PLXDC2: variants seen among roughly 807,000 people sequenced by gnomAD.
PLXDC2 encodes the protein plexin domain containing 2, also known as plexin domain-containing protein 2.
Under a neutral mutation model 68.9 loss-of-function variants are expected in PLXDC2, and 40 were observed. The ratio of observed to expected loss-of-function variants is 0.58; its 90% CI spans 0.45 to 0.76. The LOEUF (loss-of-function observed/expected upper bound fraction) is 0.76, where lower values mean the gene tolerates loss of function less well. Ranked by LOEUF, PLXDC2 falls within the 30% of genes least tolerant of loss-of-function variation. The pLI, the probability that PLXDC2 is intolerant of heterozygous loss-of-function variation, is 0.00. For synonymous variants in PLXDC2, 243 were observed against 234.2 expected (o/e 1.04, Z -0.34); for missense variants, 644 against 661.9 (o/e 0.97, Z 0.30).
At chr10:20,092,907 A>C (rs968289899) in intron 4 of PLXDC2, among the ~76,000 whole-genome samples, 1 of 152,094 alleles carries the variant, frequency 6.6e-6, no homozygotes, top group Non-Finnish European at 1.5e-5. Context: ...CAGAAGAGAT[A>C]AAGAACACAT....
intron 1 of PLXDC2, among the ~76,000 whole-genome samples, chr10:19,870,378 T>C (rs528999959): frequency 5.3e-5 from 8 of 152,322 alleles, no homozygotes; most frequent in Non-Finnish European, 1.0e-4. Context: ...TTTTATCGTT[T>C]CCAGGCATTA....
At chr10:19,998,296 C>T (rs1564651924) in intron 1 of PLXDC2, among the ~76,000 whole-genome samples, 1 of 152,028 alleles carries the variant, frequency 6.6e-6, no homozygotes, top group Non-Finnish European at 1.5e-5. Flanking sequence ...ATATAGATAA[C>T]GAAGCTGTGA....
chr10:19,970,256 G>A (rs1198968108), intron 1 of PLXDC2, among the ~76,000 whole-genome samples: 1 of 152,152 alleles, frequency 6.6e-6, no homozygotes, highest in African/African-American at 2.4e-5. Flanking sequence ...TTTATTGTTT[G>A]ACAAAAACTT....
intron 1 of PLXDC2, among the ~76,000 whole-genome samples, chr10:19,876,615 A>AT (rs1263996923): frequency 6.6e-6 from 1 of 150,928 alleles, no homozygotes; most frequent in Non-Finnish European, 1.5e-5. Context: ...AAAAAAAAAA[A>AT]AAAAAAAAAA....
intron 3 of PLXDC2, among the ~76,000 whole-genome samples, chr10:20,064,708 CCAGT>C (rs1335717776): frequency 1.3e-4 from 20 of 152,250 alleles, no homozygotes; most frequent in African/African-American, 4.8e-4. Flanking sequence ...CTGTGGTTCA[CCAGT>C]CAACCAGCTA....
intron 4 of PLXDC2, among the ~76,000 whole-genome samples, chr10:20,086,778 C>T (rs1366535911): frequency 1.3e-5 from 2 of 152,154 alleles, no homozygotes; most frequent in African/African-American, 4.8e-5. Context: ...ACATTTGTAG[C>T]AGCTCCTTGA....
At chr10:19,822,229 T>C (rs891979538) in intron 1 of PLXDC2, among the ~76,000 whole-genome samples, 1 of 149,086 alleles carries the variant, frequency 6.7e-6, no homozygotes, top group African/African-American at 2.4e-5. Flanking sequence ...GCACTACATA[T>C]GCAATATATA....
rs143371890 is a variant in PLXDC2 at position 19,854,113 on chromosome 10, C to G, written c.112+36922C>G. ...GGAGACAAGGCTATCACAGCCACAA[C>G]TGGGTGTCTTACATGTGCTATCAGA... is the stretch of plus-strand genomic sequence containing the variant. On this transcript the variant is annotated intron_variant, in intron 1 of 13. Coordinates refer to ENST00000377252, the MANE Select transcript of PLXDC2 (RefSeq NM_032812.9). Among the ~76,000 whole-genome samples, 259 of 152,286 alleles carry G rather than the reference C, an allele frequency of 1.7e-3. 1 individual carries two copies. The highest frequency in any genetic ancestry group is 5.5e-3 in the African/African-American group (229 of 41,556).
chr10:20,005,248 G>C (rs1345783461), intron 2 of PLXDC2, among the ~76,000 whole-genome samples: 2 of 152,124 alleles, frequency 1.3e-5, no homozygotes, highest in African/African-American at 4.8e-5. Context: ...TCCATAGGAG[G>C]GTAATTGTGG....
chr10:20,242,552 T>C (rs1835530927), intron 12 of PLXDC2, among the ~76,000 whole-genome samples: 1 of 152,200 alleles, frequency 6.6e-6, no homozygotes, highest in African/African-American at 2.4e-5. Context: ...GTGGTCATTC[T>C]AATACTGTAA....
intron 6 of PLXDC2, among the ~76,000 whole-genome samples, chr10:20,148,710 G>A (rs1323194614): frequency 1.3e-5 from 2 of 152,120 alleles, no homozygotes; most frequent in Non-Finnish European, 2.9e-5. Flanking sequence ...AATTACTAAT[G>A]AGCATTATTA....
chr10:20,256,348 G>C lies in PLXDC2; in HGVS notation c.1473+10843G>C, dbSNP rs143797320. 2.9e-3 allele frequency among the ~76,000 whole-genome samples: 434 copies of C among 151,522 alleles called. 1 individual carries two copies. The highest frequency in any genetic ancestry group is 0.01 in the African/African-American group (416 of 41,304). On this transcript the variant is annotated intron_variant, in intron 13 of 13. Transcript: ENST00000377252. ...GGATTTTACCATGTTGGCCAGGCTAGTCTCAAACTCCTGACCTCAAATGAT... is the reference window on the plus strand; with the variant it reads ...GGATTTTACCATGTTGGCCAGGCTACTCTCAAACTCCTGACCTCAAATGAT...
At chr10:19,842,145 G>T (rs1271604405) in intron 1 of PLXDC2, among the ~76,000 whole-genome samples, 1 of 152,062 alleles carries the variant, frequency 6.6e-6, no homozygotes, top group Non-Finnish European at 1.5e-5. Context: ...AGGCATGGTG[G>T]TGCATGCCTG....
intron 1 of PLXDC2, among the ~76,000 whole-genome samples, chr10:19,823,672 A>T (rs986516417): frequency 1.4e-5 from 2 of 143,372 alleles, no homozygotes; most frequent in Non-Finnish European, 3.0e-5. Context: ...CTTCATCTCA[A>T]AAAAAAAAAA....
intron 1 of PLXDC2, among the ~76,000 whole-genome samples, chr10:19,907,979 CATTATAAG>C (rs1464969902): frequency 6.6e-6 from 1 of 152,140 alleles, no homozygotes; most frequent in South Asian, 2.1e-4. Context: ...CAAAATCTTT[CATTATAAG>C]ATTTAATCGC....
At chr10:20,219,525 TA>T (rs1835183599) in intron 12 of PLXDC2, among the ~76,000 whole-genome samples, 2 of 152,170 alleles carry the variant, frequency 1.3e-5, no homozygotes, top group African/African-American at 4.8e-5. Flanking sequence ...TAGGTCTTTT[TA>T]TCAGCTCTAT....
Position 20,020,015 on chromosome 10 carries a change from C to T in PLXDC2, c.324+18029C>T, listed in dbSNP as rs562442274. On this transcript the variant is annotated intron_variant, in intron 2 of 13. Coordinates refer to ENST00000377252, the MANE Select transcript of PLXDC2 (RefSeq NM_032812.9). ...AACAAAAATCTCTTTTCTTTTCTTG[C>T]TTTTTTTTTTATTTTTTGTTTTTTC... Among the ~76,000 whole-genome samples, 5 of 148,760 alleles carry T rather than the reference C, an allele frequency of 3.4e-5. 1 individual carries two copies. The highest frequency in any genetic ancestry group is 2.7e-4 in the Admixed American group (4 of 14,926).
In PLXDC2 at chr10:20,214,718, A is replaced by G. The variant is rs571135763; in HGVS notation, c.1123-2708A>G. Among the ~76,000 whole-genome samples, 125 of 152,264 alleles carry G rather than the reference A, an allele frequency of 8.2e-4. 4 individuals carry two copies. In the South Asian group the frequency reaches 0.025, roughly 30 times the overall value. On this transcript the variant is annotated intron_variant, in intron 10 of 13. Coordinates refer to ENST00000377252, the MANE Select transcript of PLXDC2 (RefSeq NM_032812.9). ...CTACTTGTTTTGTTATAGGAGGGCT[A>G]TTTAGTTCCTTAGTCTGCCGTTACT...
At chr10:20,085,930 G>A (rs1589622191) in intron 4 of PLXDC2, among the ~76,000 whole-genome samples, 1 of 152,152 alleles carries the variant, frequency 6.6e-6, no homozygotes, top group Non-Finnish European at 1.5e-5. Flanking sequence ...AATTCCTACA[G>A]CTGCCTATAA....
Sources: gnomAD v4.1 joint callset for allele counts (sites outside exome capture counted in the v4.1 genomes callset) on GRCh38, gnomAD v4.1.1 for gene constraint, MANE v1.5 for transcripts, NCBI Gene and HGNC (gene_info 2026-07-23, HGNC 2026-07-21) for gene names.